NRCAM: variants seen among roughly 807,000 people sequenced by gnomAD.
NRCAM encodes neuronal cell adhesion molecule.
In NRCAM, 83 loss-of-function variants were observed where a neutral mutation model predicts 156.5. That is an observed-to-expected ratio of 0.53 (90% CI 0.44 to 0.64). The LOEUF (loss-of-function observed/expected upper bound fraction) is 0.64. Ranked by LOEUF, NRCAM falls within the 30% of genes least tolerant of loss-of-function variation. The pLI, the probability that NRCAM is intolerant of heterozygous loss-of-function variation, is 0.00. For missense variants in NRCAM, 1,417 were observed against 1,597.3 expected, an observed-to-expected ratio of 0.89 and a Z score of 1.92; for synonymous variants, 538 against 563.9, an observed-to-expected ratio of 0.95 and a Z score of 0.65.
intron 3 of NRCAM, among the ~76,000 whole-genome samples, chr7:108,255,818 G>T (rs944362756): frequency 1.3e-5 from 2 of 149,214 alleles, no homozygotes; most frequent in African/African-American, 2.5e-5. Flanking sequence ...CTGCCGGGCT[G>T]CCCCCTCTGA....
chr7:108,377,123 T>C (rs1184274675), intron 2 of NRCAM, among the ~76,000 whole-genome samples: 2 of 152,148 alleles, frequency 1.3e-5, no homozygotes, highest in African/African-American at 4.8e-5. Context: ...ATGATCACGC[T>C]ATTGCACTAC....
intron 5 of NRCAM, among the ~76,000 whole-genome samples, chr7:108,235,093 G>C (rs537802183): frequency 6.6e-6 from 1 of 152,292 alleles, no homozygotes; most frequent in East Asian, 1.9e-4. Context: ...AAGAGTAACA[G>C]ACTTAGGTCA....
At chr7:108,177,640 T>C (rs2061255444) in intron 26 of NRCAM, among the ~76,000 whole-genome samples, 1 of 132,546 alleles carries the variant, frequency 7.5e-6, no homozygotes, top group Admixed American at 7.0e-5. Flanking sequence ...TATATATATA[T>C]ATATATATAT....
intron 8 of NRCAM, 134 bp from the exon 9 acceptor site, chr7:108,226,512 G>C (rs560445988): frequency 1.9e-4 from 91 of 480,558 alleles, no homozygotes; most frequent in African/African-American, 1.9e-3. Context: ...TAGCTCTTTG[G>C]GTAAAAGCAA....
Position 108,232,377 on chromosome 7 carries a change from T to C in NRCAM, c.376A>G (p.Arg126Gly), listed in dbSNP as rs2094442205. The C allele has an allele frequency of 6.2e-7, 1 of 1,611,874 alleles. No homozygotes were observed. Among genetic ancestry groups the C allele is most frequent in the African/African-American group, 1.3e-5 (1 of 74,750 alleles). The change falls in exon 7 of 33, where the codon AGG (arginine) becomes GGG (glycine). Residue 126 changes from arginine (R) to glycine (G), a missense_variant. This residue lies in a region of NRCAM where 1,238 missense variants were observed against 1,336.4 expected (regional missense o/e 0.93). Coordinates refer to ENST00000379028, the MANE Select transcript of NRCAM (RefSeq NM_001037132.4). ...GAAACTGCAGCTCCGCGTTCGTTCC[T>C]TGCTGTACACTGATAGACTCCTTCA... The part of the protein sequence containing the change: ...TYEGVYQCTA[R>G]NERGAAVSNN...
Position 108,191,745 on chromosome 7 carries a change from A to G in NRCAM, c.1887T>C (p.Ala629=), listed in dbSNP as rs1478824137. Residue 629 remains alanine, a synonymous_variant, in exon 18 of 33, where the codon GCT becomes GCC. Coordinates refer to ENST00000379028, the MANE Select transcript of NRCAM (RefSeq NM_001037132.4). ...CGTTCTTACCAACAACGCTAAGCAC[A>G]GCGCTGGCGGAGACGCTGTCCAGAG... The part of the protein sequence containing the change: ...NTTLDSVSAS[A]VLSVVAPTPT... 6.2e-7 allele frequency: 1 copy of G among 1,612,514 alleles called. No homozygotes were observed. The highest frequency in any genetic ancestry group is 8.5e-7 in the Non-Finnish European group (1 of 1,178,880).
chr7:108,446,193 C>T (rs985198425), intron 1 of NRCAM, among the ~76,000 whole-genome samples: 6 of 152,298 alleles, frequency 3.9e-5, no homozygotes, highest in African/African-American at 1.2e-4. Context: ...TCATTTAGAC[C>T]TCCGCAGCAG....
intron 3 of NRCAM, among the ~76,000 whole-genome samples, chr7:108,286,700 C>T (rs1015597208): frequency 5.9e-5 from 9 of 152,118 alleles, no homozygotes; most frequent in Non-Finnish European, 8.8e-5. Context: ...AATTCAGACA[C>T]GATCAGGCAC....
At chr7:108,265,205 G>A (rs920465897) in intron 3 of NRCAM, among the ~76,000 whole-genome samples, 2 of 152,176 alleles carry the variant, frequency 1.3e-5, no homozygotes, top group Non-Finnish European at 2.9e-5. Flanking sequence ...TGCCTTTATC[G>A]TTTGTAGGGA....
intron 2 of NRCAM, among the ~76,000 whole-genome samples, chr7:108,318,687 G>A (rs1262409377): frequency 6.6e-6 from 1 of 152,080 alleles, no homozygotes; most frequent in Non-Finnish European, 1.5e-5. Flanking sequence ...ATAAGAAGGA[G>A]AAAACAAAGA....
At chr7:108,156,277 C>T (rs1199200906) in intron 32 of NRCAM, 10 of 984,852 alleles carry the variant, frequency 1.0e-5, no homozygotes, top group Non-Finnish European at 1.1e-5. Context: ...TGGCAAGAGC[C>T]ACCAATTATG....
intron 13 of NRCAM, among the ~76,000 whole-genome samples, chr7:108,206,803 A>T (rs1385072116): frequency 6.6e-6 from 1 of 152,218 alleles, no homozygotes; most frequent in Non-Finnish European, 1.5e-5. Context: ...CTGAAGCCAC[A>T]CGCTGGGAAG....
At chr7:108,400,176 A>T (rs2099788215) in intron 1 of NRCAM, among the ~76,000 whole-genome samples, 1 of 152,252 alleles carries the variant, frequency 6.6e-6, no homozygotes, top group Non-Finnish European at 1.5e-5. Flanking sequence ...AAAAAGCATA[A>T]GGTTAAAGTG....
chr7:108,204,887 C>G (rs898088548), intron 13 of NRCAM, among the ~76,000 whole-genome samples: 1 of 152,194 alleles, frequency 6.6e-6, no homozygotes, highest in Non-Finnish European at 1.5e-5. Context: ...ACTACTCTTT[C>G]TGCTATTACT....
chr7:108,405,819 G>C (rs527265299), intron 1 of NRCAM, among the ~76,000 whole-genome samples: 1 of 152,198 alleles, frequency 6.6e-6, no homozygotes, highest in Admixed American at 6.5e-5. Context: ...TCATATTTTT[G>C]AATTAAGAGG....
Position 108,287,524 on chromosome 7 carries a change from C to T in NRCAM, c.-107+25141G>A, listed in dbSNP as rs915030084. Among the ~76,000 whole-genome samples, 4 of 151,654 alleles carry T rather than the reference C, an allele frequency of 2.6e-5. No homozygotes were observed. In the South Asian group the frequency reaches 8.3e-4, roughly 31 times the overall value. Reference sequence around the variant, plus strand: ...CCCATTAAAAAGTGGGGAAAGAAGACGAATAGACATTTTGCAAAAGAAGAC... The same window carrying T: ...CCCATTAAAAAGTGGGGAAAGAAGATGAATAGACATTTTGCAAAAGAAGAC... On this transcript the variant is annotated intron_variant, in intron 3 of 32. Coordinates refer to ENST00000379028, the MANE Select transcript of NRCAM (RefSeq NM_001037132.4).
At position 108,341,896 on chromosome 7, in the gene NRCAM, C is replaced by G. The variant is rs1355887636; in HGVS notation, c.-173-29165G>C. Among the ~76,000 whole-genome samples, 2 of 152,168 alleles carry G rather than the reference C, an allele frequency of 1.3e-5. 1 individual carries two copies. Among genetic ancestry groups the G allele is most frequent in the South Asian group, 4.1e-4 (2 of 4,828 alleles). Reference sequence around the variant, plus strand: ...TCAGTGAGGCCGTTGTCCCTCTATACCCAGCTGTACCTAACCCTTATACTC... The same window carrying G: ...TCAGTGAGGCCGTTGTCCCTCTATAGCCAGCTGTACCTAACCCTTATACTC... On this transcript the variant is annotated intron_variant, in intron 2 of 32. Coordinates refer to ENST00000379028, the MANE Select transcript of NRCAM (RefSeq NM_001037132.4).
chr7:108,451,583 A>G (rs528208651), intron 1 of NRCAM, among the ~76,000 whole-genome samples: 1 of 152,362 alleles, frequency 6.6e-6, no homozygotes, highest in East Asian at 1.9e-4. Context: ...TGGATAAACA[A>G]AATGTGGCAT....
Position 108,224,527 on chromosome 7 carries a change from A to G in NRCAM, c.779-691T>C, listed in dbSNP as rs116809093. On this transcript the variant is annotated intron_variant, in intron 10 of 32. Coordinates refer to ENST00000379028, the MANE Select transcript of NRCAM (RefSeq NM_001037132.4). ...AGTTACACAGGCCATCTTCTTTTTT[A>G]TGGAGGCCTTTCCAAAACATAGCCT... Among the ~76,000 whole-genome samples the G allele has an allele frequency of 4.7e-3, 720 of 152,240 alleles. 10 individuals carry two copies. The highest frequency in any genetic ancestry group is 0.017 in the African/African-American group (693 of 41,572).
Sources: allele counts gnomAD v4.1 joint callset (sites outside exome capture counted in the v4.1 genomes callset), GRCh38; gene constraint gnomAD v4.1.1; regional missense constraint gnomAD v4.1.1; transcripts MANE v1.5; gene names NCBI Gene and HGNC (gene_info 2026-07-23, HGNC 2026-07-21).